The following MARCHF1 variants were observed in gnomAD, a reference collection of about 807,000 sequenced individuals.
MARCHF1 encodes the protein membrane associated ring-CH-type finger 1.
MARCHF1 carries 40 observed loss-of-function variants against 54.2 expected under a neutral mutation model. The observed-to-expected ratio is 0.74, with a 90% CI of 0.57 to 0.96. The LOEUF (loss-of-function observed/expected upper bound fraction) is 0.96. Among genes scored for constraint, MARCHF1 ranks in the 40% least tolerant of loss-of-function variants. The probability of loss-of-function intolerance (pLI) is 0.00; values close to 1 mark genes in which losing one functional copy is unlikely to be tolerated. For missense variants in MARCHF1, 586 were observed against 656.5 expected (o/e 0.89, Z 1.17); for synonymous variants, 236 against 236.3 (o/e 1.00, Z 0.01).
intron 7 of MARCHF1, among the ~76,000 whole-genome samples, chr4:163,591,338 C>T (rs1740587619): frequency 6.6e-6 from 1 of 151,980 alleles, no homozygotes; most frequent in Non-Finnish European, 1.5e-5. Flanking sequence ...AAATTTCAGA[C>T]TCACATCCCT....
At chr4:163,837,772 G>A (rs1013421318) in intron 4 of MARCHF1, among the ~76,000 whole-genome samples, 10 of 151,714 alleles carry the variant, frequency 6.6e-5, no homozygotes, top group Non-Finnish European at 1.3e-4. Flanking sequence ...ATCAATAAGC[G>A]CACATGATAT....
At chr4:164,326,454 C>A (rs973006552) in intron 1 of MARCHF1, among the ~76,000 whole-genome samples, 1 of 152,110 alleles carries the variant, frequency 6.6e-6, no homozygotes, top group African/African-American at 2.4e-5. Context: ...TACAGGTAAT[C>A]ATCAAAACAG....
At chr4:164,226,446 A>G (rs1056244597) in intron 1 of MARCHF1, among the ~76,000 whole-genome samples, 13 of 152,068 alleles carry the variant, frequency 8.5e-5, no homozygotes, top group African/African-American at 3.1e-4. Context: ...GAAAGTCACA[A>G]GTAGTGAGAT....
intron 4 of MARCHF1, among the ~76,000 whole-genome samples, chr4:163,769,257 T>C (rs550084082): frequency 5.5e-4 from 84 of 152,298 alleles, no homozygotes; most frequent in African/African-American, 1.8e-3. Context: ...AGGGTTGTCA[T>C]AGTTCTGTTA....
At chr4:163,570,225 C>T (rs141941582) in intron 8 of MARCHF1, among the ~76,000 whole-genome samples, 104 of 152,110 alleles carry the variant, frequency 6.8e-4, no homozygotes, top group Middle Eastern at 3.4e-3. Context: ...AAAATGTGCA[C>T]GCTACCCTCT....
chr4:163,688,491 T>C (rs1744340586), intron 5 of MARCHF1, among the ~76,000 whole-genome samples: 1 of 152,198 alleles, frequency 6.6e-6, no homozygotes, highest in African/African-American at 2.4e-5. Flanking sequence ...ATGTGGCTTA[T>C]TGTCATAGTT....
At chr4:164,241,717 G>A (rs190764959) in intron 1 of MARCHF1, among the ~76,000 whole-genome samples, 4 of 152,240 alleles carry the variant, frequency 2.6e-5, no homozygotes, top group South Asian at 2.1e-4. Flanking sequence ...CTGAGGTACC[G>A]GGTTCATCTC....
At chr4:163,714,050 G>A (rs1745188205) in intron 4 of MARCHF1, among the ~76,000 whole-genome samples, 1 of 152,180 alleles carries the variant, frequency 6.6e-6, no homozygotes, top group Non-Finnish European at 1.5e-5. Flanking sequence ...CACAAGCTAT[G>A]TAACCTTGAG....
At chr4:163,767,852 T>G (rs1015606801) in intron 4 of MARCHF1, among the ~76,000 whole-genome samples, 37 of 152,184 alleles carry the variant, frequency 2.4e-4, no homozygotes, top group African/African-American at 8.7e-4. Context: ...ATAGGTTAAT[T>G]TTCTGCACAT....
At chr4:164,198,798 T>C (rs944843183) in intron 1 of MARCHF1, among the ~76,000 whole-genome samples, 69 of 152,150 alleles carry the variant, frequency 4.5e-4, no homozygotes, top group African/African-American at 1.6e-3. Flanking sequence ...TCTCATACTA[T>C]GTCCCATAAG....
intron 5 of MARCHF1, among the ~76,000 whole-genome samples, chr4:163,632,749 C>A (rs1272803842): frequency 1.3e-5 from 2 of 152,238 alleles, no homozygotes; most frequent in Non-Finnish European, 2.9e-5. Context: ...CCCACCATAG[C>A]TCAAGGAGGC....
chr4:164,101,303 G>C (rs901259548), intron 2 of MARCHF1, among the ~76,000 whole-genome samples: 68 of 151,260 alleles, frequency 4.5e-4, no homozygotes, highest in African/African-American at 1.5e-3. Flanking sequence ...CTCCACCTCT[G>C]GGGGCAGGGC....
At chr4:163,720,622 A>G (rs1188309458) in intron 4 of MARCHF1, among the ~76,000 whole-genome samples, 1 of 152,148 alleles carries the variant, frequency 6.6e-6, no homozygotes, top group Non-Finnish European at 1.5e-5. Flanking sequence ...CTTGGGCAGT[A>G]TGGCCATTTT....
chr4:164,034,479 C>T (rs1753952417), intron 2 of MARCHF1, among the ~76,000 whole-genome samples: 1 of 151,878 alleles, frequency 6.6e-6, no homozygotes, highest in Non-Finnish European at 1.5e-5. Context: ...AGGTATGTAC[C>T]CAAAGGAAAA....
At chr4:163,535,753 C>CTTTTT (rs34118311) in intron 9 of MARCHF1, among the ~76,000 whole-genome samples, 1 of 144,160 alleles carries the variant, frequency 6.9e-6, no homozygotes, top group Non-Finnish European at 1.5e-5. Context: ...TATAGAAGGG[C>CTTTTT]TTTTTTTTTT....
intron 2 of MARCHF1, among the ~76,000 whole-genome samples, chr4:164,044,769 A>G (rs1439701754): frequency 6.6e-6 from 1 of 151,976 alleles, no homozygotes; most frequent in Non-Finnish European, 1.5e-5. Context: ...TCTCTAGTCT[A>G]TACATACTAT....
intron 1 of MARCHF1, among the ~76,000 whole-genome samples, chr4:164,224,421 C>T (rs1268116414): frequency 3.3e-5 from 5 of 151,888 alleles, no homozygotes; most frequent in African/African-American, 4.8e-5. Context: ...TCTTACCTCT[C>T]TTGCTATTTG....
rs557144449 is a variant in MARCHF1 at position 164,342,366 on chromosome 4, A to G, written c.-323+41504T>C. On this transcript the variant is annotated intron_variant, in intron 1 of 9. Transcript: ENST00000514618. ...TCTTACACATTATTGGTAGAAATGTATAAGTTCATACAGCTCTCATGGAAA... is the reference window on the plus strand; with the variant it reads ...TCTTACACATTATTGGTAGAAATGTGTAAGTTCATACAGCTCTCATGGAAA... Among the ~76,000 whole-genome samples the G allele has an allele frequency of 1.1e-4, 17 of 152,204 alleles. No individual in the cohort carries two copies. In the East Asian group the frequency reaches 2.9e-3, roughly 26 times the overall value.
chr4:163,853,214 A>T (rs1749686594), intron 4 of MARCHF1, among the ~76,000 whole-genome samples: 1 of 152,218 alleles, frequency 6.6e-6, no homozygotes, highest in Non-Finnish European at 1.5e-5. Flanking sequence ...ACCCTAAATG[A>T]TTCTTTGTTC....
Sources: allele counts gnomAD v4.1 joint callset (sites outside exome capture counted in the v4.1 genomes callset), GRCh38; gene constraint gnomAD v4.1.1; transcripts MANE v1.5; gene names NCBI Gene and HGNC (gene_info 2026-07-23, HGNC 2026-07-21).